NIPBL: variants seen among roughly 807,000 people sequenced by gnomAD.
NIPBL encodes nipped-B-like protein.
NIPBL carries 19 observed loss-of-function variants against 321.8 expected under a neutral mutation model. That is an observed-to-expected ratio of 0.06 (90% CI 0.04 to 0.09). NIPBL has a LOEUF of 0.09. NIPBL is among the 10% of genes least tolerant of loss of function. The probability of loss-of-function intolerance (pLI) is 1.00; values close to 1 mark genes in which losing one functional copy is unlikely to be tolerated. For synonymous variants in NIPBL, 1,106 were observed against 1,114.1 expected (o/e 0.99, Z 0.14); for missense variants, 2,210 against 3,327.0 (o/e 0.66, Z 8.26).
chr5:36,919,312 G>A (rs1172372926), intron 1 of NIPBL, among the ~76,000 whole-genome samples: 1 of 151,674 alleles, frequency 6.6e-6, no homozygotes, highest in Non-Finnish European at 1.5e-5. Context: ...TATTTCAGTT[G>A]ACATTTTTAT....
chr5:36,902,958 T>C (rs1372650316), intron 1 of NIPBL, among the ~76,000 whole-genome samples: 2 of 152,224 alleles, frequency 1.3e-5, no homozygotes, highest in Admixed American at 6.5e-5. Context: ...CAGTGTTTTC[T>C]AATTCTCATT....
At chr5:36,945,034 G>A (rs10044651) in intron 1 of NIPBL, among the ~76,000 whole-genome samples, 6,344 of 152,168 alleles carry the variant, frequency 0.042, 456 homozygotes, top group African/African-American at 0.14. Flanking sequence ...CTATATAAGG[G>A]ACTTGGAGAC....
Position 37,066,129 on chromosome 5 carries a change from CT to C in NIPBL, c.*1238del, listed in dbSNP as rs1215753706. 1 of 152,138 alleles carries C rather than the reference CT, an allele frequency of 6.6e-6. No homozygotes were observed. The highest frequency in any genetic ancestry group is 2.4e-5 in the African/African-American group (1 of 41,450). 9.4% of individuals were successfully genotyped at this position (152,138 alleles called of 1,614,324 possible). On this transcript the variant is annotated 3_prime_UTR_variant, in exon 47 of 47. Transcript: ENST00000282516. ...ACAGTTGTCATTTACACATTACTTA[CT>C]GCAGATATCTTGACTAAATCAGGAG...
chr5:37,025,669 A>G (rs1481790808), intron 30 of NIPBL, among the ~76,000 whole-genome samples: 3 of 152,178 alleles, frequency 2.0e-5, no homozygotes, highest in Non-Finnish European at 4.4e-5. Context: ...TGGAAATAGG[A>G]TGTTCCTAAC....
chr5:37,064,416 C>T (rs973876385), intron 46 of NIPBL, 111 bp from the exon 47 acceptor site: 21 of 1,559,046 alleles, frequency 1.3e-5, no homozygotes, highest in Non-Finnish European at 1.2e-5. Flanking sequence ...GGAAGTGTGC[C>T]GGGAAATCCC....
intron 1 of NIPBL, among the ~76,000 whole-genome samples, chr5:36,909,118 G>A (rs1383396951): frequency 6.6e-6 from 1 of 152,052 alleles, no homozygotes; most frequent in Non-Finnish European, 1.5e-5. Context: ...TTCTTGTGCT[G>A]GACTGCCCTG....
intron 1 of NIPBL, among the ~76,000 whole-genome samples, chr5:36,908,239 C>T (rs1280311862): frequency 2.0e-5 from 3 of 151,990 alleles, no homozygotes; most frequent in South Asian, 2.1e-4. Flanking sequence ...ATGAGATTAC[C>T]GAGTGCTTTA....
At chr5:36,991,621 T>G (rs555340633) in intron 10 of NIPBL, among the ~76,000 whole-genome samples, 8 of 152,184 alleles carry the variant, frequency 5.3e-5, no homozygotes, top group African/African-American at 1.9e-4. Flanking sequence ...ACATGCAGTA[T>G]TGAAAATTTT....
chr5:37,046,090 T>G lies in NIPBL; in HGVS notation c.6499-19T>G, dbSNP rs1270961851. On this transcript the variant is annotated intron_variant, in intron 37 of 46. Coordinates refer to ENST00000282516, the MANE Select transcript of NIPBL (RefSeq NM_133433.4). ...AAGTTACTGTTCATGAACACTTTAA[T>G]GTGTTTTCCTCCCCTTAGGTTAACA... 3 of 1,217,266 alleles carry G rather than the reference T, an allele frequency of 2.5e-6. No individual in the cohort carries two copies. The highest frequency in any genetic ancestry group is 3.7e-6 in the Non-Finnish European group (3 of 818,360). The allele number at this position is 1,217,266 out of a possible 1,614,324, so 75.4% of individuals were successfully genotyped here.
chr5:36,973,501 A>G (rs1246768378), intron 8 of NIPBL, among the ~76,000 whole-genome samples: 1 of 151,620 alleles, frequency 6.6e-6, no homozygotes, highest in African/African-American at 2.4e-5. Flanking sequence ...AGAGTCTCGC[A>G]CTGTCACCCA....
intron 3 of NIPBL, among the ~76,000 whole-genome samples, chr5:36,955,996 T>A (rs1289718122): frequency 3.3e-5 from 5 of 149,680 alleles, no homozygotes; most frequent in South Asian, 4.2e-4. Context: ...CCGAGGCAGG[T>A]GGATCACGAG....
intron 7 of NIPBL, 30 bp from the exon 8 acceptor site, chr5:36,971,915 C>T (rs1412156474): frequency 3.1e-6 from 5 of 1,589,704 alleles, no homozygotes; most frequent in African/African-American, 1.3e-5. Context: ...TCCTGTCATT[C>T]AAAAGATAAA....
chr5:37,000,741 A>C lies in NIPBL; in HGVS notation c.3503-76A>C, dbSNP rs371208300. The C allele has an allele frequency of 1.4e-5, 20 of 1,399,178 alleles. No homozygotes were observed. In the African/African-American group the frequency reaches 2.6e-4, roughly 18 times the overall value. The allele number at this position is 1,399,178 out of a possible 1,614,324, so 86.7% of individuals were successfully genotyped here. ...TCGTTTAAGTCTTTAACGTTCAGGA[A>C]AAAAACTAGAAACAAAAATGGAATT... On this transcript the variant is annotated intron_variant, in intron 12 of 46. Coordinates refer to ENST00000282516, the MANE Select transcript of NIPBL (RefSeq NM_133433.4).
rs113646386 is a variant in NIPBL, at chr5:36,884,643, A to G, written c.-80+7465A>G. ...TTGTATTATCTTCATCTGTATGTCT[A>G]TAACATCATCACAGTGCTGCTCCTG... On this transcript the variant is annotated intron_variant, in intron 1 of 46. Transcript: ENST00000282516. 3.2e-4 allele frequency among the ~76,000 whole-genome samples: 49 copies of G among 152,320 alleles called. 1 individual carries two copies. The highest frequency in any genetic ancestry group is 9.6e-4 in the African/African-American group (40 of 41,566).
At chr5:37,049,665 G>T (rs1753320781) in intron 40 of NIPBL, among the ~76,000 whole-genome samples, 1 of 152,184 alleles carries the variant, frequency 6.6e-6, no homozygotes, top group African/African-American at 2.4e-5. Flanking sequence ...GTTCAACAGG[G>T]TGGAGTCTTA....
rs1462265450 is a variant in NIPBL, at chr5:36,939,142, A to G, written c.-79-14476A>G. 2.0e-5 allele frequency among the ~76,000 whole-genome samples: 3 copies of G among 152,198 alleles called. 1 individual carries two copies. Among genetic ancestry groups the G allele is most frequent in the South Asian group, 4.1e-4 (2 of 4,828 alleles). On this transcript the variant is annotated intron_variant, in intron 1 of 46. Transcript: ENST00000282516. Reference sequence around the variant, plus strand: ...CTCAGCCTCCCAAATAGCTGGGACTACAGGTGCATACCACCACACTTGACT... The same window carrying G: ...CTCAGCCTCCCAAATAGCTGGGACTGCAGGTGCATACCACCACACTTGACT...
At chr5:36,961,700 A>G in intron 5 of NIPBL, 117 bp downstream of exon 5, 2 of 775,722 alleles carry the variant, frequency 2.6e-6, no homozygotes, top group Non-Finnish European at 4.6e-6. Context: ...TAGTTGAAAT[A>G]CTTAAATAGT....
At chr5:36,886,283 C>T (rs1745899846) in intron 1 of NIPBL, 2 of 672,252 alleles carry the variant, frequency 3.0e-6, no homozygotes, top group East Asian at 5.5e-5. Flanking sequence ...CAGCACCAGG[C>T]CCAGGAGTAC....
intron 42 of NIPBL, among the ~76,000 whole-genome samples, chr5:37,056,879 T>C (rs1754142591): frequency 6.6e-6 from 1 of 152,206 alleles, no homozygotes; most frequent in African/African-American, 2.4e-5. Context: ...TGAGATAGCA[T>C]AGTGTAAGTC....
Sources: gnomAD v4.1 joint callset for allele counts (sites outside exome capture counted in the v4.1 genomes callset) on GRCh38, gnomAD v4.1.1 for gene constraint, MANE v1.5 for transcripts, NCBI Gene and HGNC (gene_info 2026-07-23, HGNC 2026-07-21) for gene names.